The following KALRN variants were observed in gnomAD, a reference collection of about 807,000 sequenced individuals.
KALRN encodes the protein kalirin.
Under a neutral mutation model 353.7 loss-of-function variants are expected in KALRN, and 70 were observed. That is an observed-to-expected ratio of 0.20 (90% CI 0.16 to 0.24). The LOEUF (loss-of-function observed/expected upper bound fraction) is 0.24. KALRN is among the 10% of genes least tolerant of loss of function. The pLI, the probability that KALRN is intolerant of heterozygous loss-of-function variation, is 1.00. For missense variants in KALRN, 2,791 were observed against 3,756.7 expected, an observed-to-expected ratio of 0.74 and a Z score of 6.72; for synonymous variants, 1,391 against 1,434.8, an observed-to-expected ratio of 0.97 and a Z score of 0.69.
intron 1 of KALRN, among the ~76,000 whole-genome samples, chr3:124,214,052 A>G (rs1192861088): frequency 6.6e-6 from 1 of 152,198 alleles, no homozygotes; most frequent in African/African-American, 2.4e-5. Context: ...TTCAAGAATA[A>G]ATAAGAAAAA....
intron 5 of KALRN, among the ~76,000 whole-genome samples, chr3:124,291,157 T>C (rs953037064): frequency 1.3e-5 from 2 of 152,308 alleles, no homozygotes; most frequent in African/African-American, 2.4e-5. Flanking sequence ...AAGATCTGCA[T>C]TGGGCAGCTG....
chr3:124,342,150 C>CTTTATTTA (rs6148051), intron 9 of KALRN, among the ~76,000 whole-genome samples: 215 of 150,732 alleles, frequency 1.4e-3, no homozygotes, highest in African/African-American at 4.7e-3. Context: ...GAGGGTATGC[C>CTTTATTTA]TTTATTTATT....
At chr3:124,312,123 A>C (rs912222806) in intron 6 of KALRN, among the ~76,000 whole-genome samples, 1 of 152,134 alleles carries the variant, frequency 6.6e-6, no homozygotes, top group Non-Finnish European at 1.5e-5. Flanking sequence ...TATACTAAAA[A>C]CCATTGAATT....
intron 3 of KALRN, among the ~76,000 whole-genome samples, chr3:124,237,366 CTT>C (rs551869197): frequency 8.1e-5 from 11 of 135,564 alleles, no homozygotes; most frequent in Non-Finnish European, 1.1e-4. Context: ...TCATTTGATG[CTT>C]TTTTTTTTTT....
chr3:124,453,407 G>T (rs930329064), intron 21 of KALRN, among the ~76,000 whole-genome samples: 1 of 152,180 alleles, frequency 6.6e-6, no homozygotes, highest in Non-Finnish European at 1.5e-5. Context: ...GTGTGCGGCA[G>T]GCAGAGCACT....
intron 33 of KALRN, among the ~76,000 whole-genome samples, chr3:124,549,414 C>T (rs1230419186): frequency 1.3e-5 from 2 of 151,926 alleles, no homozygotes; most frequent in Non-Finnish European, 2.9e-5. Context: ...AAATCTCACA[C>T]ACACATACAC....
intron 1 of KALRN, among the ~76,000 whole-genome samples, chr3:124,137,587 T>G (rs1045150971): frequency 2.0e-5 from 3 of 152,192 alleles, no homozygotes; most frequent in African/African-American, 7.2e-5. Context: ...GGGCTGGGAC[T>G]AACTTGAGGA....
At chr3:124,238,235 G>GA (rs3054175) in intron 3 of KALRN, among the ~76,000 whole-genome samples, 42 of 150,704 alleles carry the variant, frequency 2.8e-4, no homozygotes, top group South Asian at 8.4e-4. Context: ...TGAAGATGAA[G>GA]AAAAAAAAAC....
chr3:124,686,652 G>A (rs2061570303), intron 51 of KALRN, among the ~76,000 whole-genome samples: 1 of 152,104 alleles, frequency 6.6e-6, no homozygotes, highest in Non-Finnish European at 1.5e-5. Flanking sequence ...GTTGAGACCA[G>A]ACAGACAACA....
intron 1 of KALRN, among the ~76,000 whole-genome samples, chr3:124,082,577 C>A (rs930717670): frequency 6.6e-6 from 1 of 152,168 alleles, no homozygotes. Context: ...GTGAATTGTG[C>A]CCCTTTTGCA....
At chr3:124,438,361 C>T (rs2093551648) in intron 17 of KALRN, among the ~76,000 whole-genome samples, 2 of 152,074 alleles carry the variant, frequency 1.3e-5, no homozygotes, top group Non-Finnish European at 2.9e-5. Context: ...GATGTCATGT[C>T]CTATGGTGGG....
In KALRN at chr3:124,203,319, AC is replaced by A. The variant is rs374771760; in HGVS notation, c.74-24670del. On this transcript the variant is annotated intron_variant, in intron 1 of 59. Coordinates refer to ENST00000682506, the MANE Select transcript of KALRN (RefSeq NM_001388419.1). Reference sequence around the variant, plus strand: ...CCATTCTCCTGGGCTCTTCATTAGCACTTCTGACCAAGACAGGTTCTATTTG... The same window carrying A: ...CCATTCTCCTGGGCTCTTCATTAGCATTCTGACCAAGACAGGTTCTATTTG... 4.6e-5 allele frequency among the ~76,000 whole-genome samples: 7 copies of A among 152,194 alleles called. No homozygotes were observed. In the East Asian group the frequency reaches 1.2e-3, roughly 25 times the overall value.
intron 16 of KALRN, among the ~76,000 whole-genome samples, chr3:124,433,932 G>A (rs559196851): frequency 3.4e-4 from 51 of 152,192 alleles, no homozygotes; most frequent in African/African-American, 1.1e-3. Flanking sequence ...AACCTCCTTC[G>A]AAAACTCAAT....
intron 3 of KALRN, among the ~76,000 whole-genome samples, chr3:124,242,475 A>C (rs2080587152): frequency 6.6e-6 from 1 of 152,336 alleles, no homozygotes; most frequent in South Asian, 2.1e-4. Flanking sequence ...AAAGTGAAGG[A>C]AGTGGCAGTG....
At chr3:124,438,526 A>G (rs1268265164) in intron 17 of KALRN, among the ~76,000 whole-genome samples, 1 of 152,076 alleles carries the variant, frequency 6.6e-6, no homozygotes, top group East Asian at 1.9e-4. Flanking sequence ...TATCTTCTCC[A>G]AACCTCATTT....
chr3:124,206,265 T>C (rs778794995), intron 1 of KALRN, among the ~76,000 whole-genome samples: 28 of 152,182 alleles, frequency 1.8e-4, no homozygotes, highest in Non-Finnish European at 3.7e-4. Context: ...CTCAGAGTCC[T>C]CCACTGAACA....
chr3:124,322,971 A>G (rs2079498852), intron 6 of KALRN, among the ~76,000 whole-genome samples: 1 of 152,222 alleles, frequency 6.6e-6, no homozygotes, highest in African/African-American at 2.4e-5. Flanking sequence ...CAATGAGCAA[A>G]TTCATAAGTC....
At chr3:124,336,699 A>T (rs2081167767) in intron 9 of KALRN, among the ~76,000 whole-genome samples, 1 of 152,160 alleles carries the variant, frequency 6.6e-6, no homozygotes, top group African/African-American at 2.4e-5. Flanking sequence ...GTTCTGCATC[A>T]TGCTTTCAAA....
At chr3:124,302,466 A>C (rs894772810) in intron 6 of KALRN, among the ~76,000 whole-genome samples, 6 of 152,208 alleles carry the variant, frequency 3.9e-5, no homozygotes, top group African/African-American at 1.4e-4. Context: ...CTGTGAATTG[A>C]AGTAACTCTA....
Sources: allele counts gnomAD v4.1 joint callset (sites outside exome capture counted in the v4.1 genomes callset), GRCh38; gene constraint gnomAD v4.1.1; transcripts MANE v1.5; gene names NCBI Gene and HGNC (gene_info 2026-07-23, HGNC 2026-07-21).